Variants in ATRX observed in about 807,000 individuals in gnomAD.
ATRX encodes chromatin remodeler ATRX.
ATRX carries 12 observed loss-of-function variants against 172.6 expected under a neutral mutation model. That is an observed-to-expected ratio of 0.07 (90% CI 0.04 to 0.11). ATRX has a LOEUF of 0.11. Ranked by LOEUF, ATRX falls within the 10% of genes least tolerant of loss-of-function variation. ATRX has a pLI of 1.00. For synonymous variants in ATRX, 674 were observed against 594.7 expected (o/e 1.13, Z -1.94); for missense variants, 1,368 against 1,767.4 (o/e 0.77, Z 4.05).
In ATRX at chrX:77,663,415, G is replaced by A. The variant is rs2148487520; in HGVS notation, c.4087C>T (p.His1363Tyr). ...GEEKKTKPKE[H>Y]KEVKGRNRRK... ...CTGTTTCTGCCTTTGACTTCTTTAT[G>A]CTCTTTAGGCTTTGTCTTTTTTTCT... Residue 1363 changes from histidine to tyrosine, a missense_variant, in exon 12 of 35, where the codon CAT (histidine) becomes TAT (tyrosine). This residue lies in a region of ATRX where 119 missense variants were observed against 131.3 expected (regional missense o/e 0.91). Coordinates refer to ENST00000373344, the MANE Select transcript of ATRX (RefSeq NM_000489.6). 8.3e-7 allele frequency: 1 copy of A among 1,211,144 alleles called. No individual in the cohort carries two copies. The highest frequency in any genetic ancestry group is 1.1e-6 in the Non-Finnish European group (1 of 895,257).
chrX:77,559,673 T>C (rs1360042392), intron 28 of ATRX, among the ~76,000 whole-genome samples: 1 of 108,978 alleles, frequency 9.2e-6, no homozygotes, highest in Non-Finnish European at 1.9e-5. Flanking sequence ...GCCAGGCTGG[T>C]CTTGAACTCC....
chrX:77,682,949 A>G lies in ATRX; in HGVS notation c.2307T>C (p.Thr769=). The G allele has an allele frequency of 2.5e-6, 3 of 1,210,221 alleles. No individual in the cohort carries two copies. In the South Asian group the frequency reaches 5.3e-5, roughly 21 times the overall value. Residue 769 remains threonine, a synonymous_variant, in exon 9 of 35, where the codon ACT becomes ACC. Coordinates refer to ENST00000373344, the MANE Select transcript of ATRX (RefSeq NM_000489.6). Reference sequence around the variant, plus strand: ...TTCCTTTATCATCTTTCCCCGCCTGAGTCTTTAAATCATACAAAGTCTTAT... The same window carrying G: ...TTCCTTTATCATCTTTCCCCGCCTGGGTCTTTAAATCATACAAAGTCTTAT... ...TNHKTLYDLK[T]QAGKDDKGKR...
chrX:77,586,829 C>T lies in ATRX; in HGVS notation c.6217+3005G>A, dbSNP rs782057080. On this transcript the variant is annotated intron_variant, in intron 27 of 34. Transcript: ENST00000373344. ...ATCCCAGTGCTTTAAGAGGCCAAGGCGGGTGGATCACTTGAGGCCAGGAGT... is the reference window on the plus strand; with the variant it reads ...ATCCCAGTGCTTTAAGAGGCCAAGGTGGGTGGATCACTTGAGGCCAGGAGT... Among the ~76,000 whole-genome samples, 10 of 111,394 alleles carry T rather than the reference C, an allele frequency of 9.0e-5. No individual in the cohort carries two copies. In the South Asian group the frequency reaches 1.5e-3, roughly 17 times the overall value.
chrX:77,550,504 A>G (rs1011207004), intron 30 of ATRX, among the ~76,000 whole-genome samples: 4 of 111,702 alleles, frequency 3.6e-5, no homozygotes, highest in Non-Finnish European at 7.5e-5. Flanking sequence ...CCCACAGCCA[A>G]TATCATACTG....
At chrX:77,760,682 T>A (rs1200498775) in intron 1 of ATRX, among the ~76,000 whole-genome samples, 2 of 111,933 alleles carry the variant, frequency 1.8e-5, no homozygotes, top group African/African-American at 6.5e-5. Flanking sequence ...AACATGTTTA[T>A]GTAGAAAACA....
intron 1 of ATRX, among the ~76,000 whole-genome samples, chrX:77,734,085 TA>T (rs2074424206): frequency 9.1e-6 from 1 of 110,289 alleles, no homozygotes; most frequent in Non-Finnish European, 1.9e-5. Flanking sequence ...CATGCACCTG[TA>T]ATCCCAGCTC....
chrX:77,747,123 G>T (rs1269120105), intron 1 of ATRX, among the ~76,000 whole-genome samples: 1 of 111,665 alleles, frequency 9.0e-6, no homozygotes, highest in Non-Finnish European at 1.9e-5. Flanking sequence ...TACAGCATCT[G>T]TGTAGCATTA....
chrX:77,580,483 T>C (rs1177483281), intron 27 of ATRX, among the ~76,000 whole-genome samples: 2 of 112,010 alleles, frequency 1.8e-5, no homozygotes, highest in Non-Finnish European at 3.8e-5. Context: ...GTGGAAATCT[T>C]TCAGGCCAGG....
intron 30 of ATRX, among the ~76,000 whole-genome samples, chrX:77,555,680 T>G (rs2064749940): frequency 1.8e-5 from 2 of 108,728 alleles, no homozygotes; most frequent in Admixed American, 2.0e-4. Context: ...ATGGGGAGGG[T>G]TACATCACCC....
intron 1 of ATRX, among the ~76,000 whole-genome samples, chrX:77,743,946 T>C (rs572167079): frequency 4.5e-4 from 50 of 112,094 alleles, no homozygotes; most frequent in African/African-American, 1.6e-3. Context: ...CCAGCGCAAC[T>C]TCAGCCTCCA....
intron 2 of ATRX, among the ~76,000 whole-genome samples, chrX:77,703,401 C>T (rs1439153427): frequency 3.5e-5 from 4 of 112,867 alleles, no homozygotes; most frequent in African/African-American, 1.3e-4. Context: ...CAGCAGGGCA[C>T]GCAGCTCCAG....
At chrX:77,734,232 CAT>C (rs2074435169) in intron 1 of ATRX, among the ~76,000 whole-genome samples, 1 of 105,531 alleles carries the variant, frequency 9.5e-6, no homozygotes, top group Non-Finnish European at 1.9e-5. Context: ...TACATACATA[CAT>C]ACATACATAC....
chrX:77,575,910 T>C (rs782597775), intron 27 of ATRX, among the ~76,000 whole-genome samples: 9 of 111,604 alleles, frequency 8.1e-5, no homozygotes, highest in Non-Finnish European at 1.3e-4. Flanking sequence ...CATGACAAAT[T>C]ACACCTGCCT....
At chrX:77,727,305 T>C (rs782588108) in intron 1 of ATRX, among the ~76,000 whole-genome samples, 44 of 111,642 alleles carry the variant, frequency 3.9e-4, no homozygotes, top group African/African-American at 1.4e-3. Context: ...AGAAATACCA[T>C]TTGACCCAGC....
At chrX:77,616,013 G>GACAC (rs782794196) in intron 22 of ATRX, 3 of 747,842 alleles carry the variant, frequency 4.0e-6, no homozygotes, top group Non-Finnish European at 4.7e-6. Flanking sequence ...GAGAGACACA[G>GACAC]ACACACACAC....
chrX:77,750,272 T>G (rs1457527282), intron 1 of ATRX, among the ~76,000 whole-genome samples: 1 of 111,508 alleles, frequency 9.0e-6, no homozygotes, highest in Non-Finnish European at 1.9e-5. Flanking sequence ...TATCCACAGT[T>G]TCAGGCATCC....
intron 15 of ATRX, among the ~76,000 whole-genome samples, chrX:77,646,541 T>A (rs1023373828): frequency 9.0e-6 from 1 of 110,869 alleles, no homozygotes; most frequent in African/African-American, 3.3e-5. Context: ...AGAGAAACAG[T>A]TGGAGACATA....
Position 77,676,247 on chromosome X carries a change from T to G in ATRX, c.3788A>C (p.Asp1263Ala), listed in dbSNP as rs1557133352. 8.4e-7 allele frequency: 1 copy of G among 1,197,265 alleles called. No homozygotes were observed. The highest frequency in any genetic ancestry group is 2.3e-4 in the Middle Eastern group (1 of 4,290). ...ATACCTATTCTCAGGATCATTGTCGTCATCATCATCATCCACTGTGACAGG... is the reference window on the plus strand; with the variant it reads ...ATACCTATTCTCAGGATCATTGTCGGCATCATCATCATCCACTGTGACAGG... ...SVPVTVDDDD[D>A]DNDPENRIAK... Residue 1263 changes from aspartate to alanine, a missense_variant, in exon 10 of 35, where the codon GAC (aspartate) becomes GCC (alanine). Physicochemically the swap from Asp to Ala is moderately radical, Grantham distance 126. Around this residue, in one of 17 missense-constraint regions of ATRX, gnomAD observed 9 missense variants for 25.2 expected, o/e 0.36. Coordinates refer to ENST00000373344, the MANE Select transcript of ATRX (RefSeq NM_000489.6).
At position 77,508,575 on chromosome X, in the gene ATRX, T is replaced by C; in HGVS notation, c.7255A>G (p.Asn2419Asp). ...LMNRRLQQQY[N>D]QQQQQQMTYQ... is the part of the protein sequence containing the mutation. ...GTCATTTGTTGCTGTTGCTGCTGAT[T>C]GTACTGCTGCTGGAGCCTTCTGTTC... The change falls in exon 35 of 35, where the codon AAT becomes GAT. Residue 2419 changes from asparagine (N) to aspartate (D), a missense_variant. Physicochemically the swap from Asn to Asp is conservative, Grantham distance 23. Transcript: ENST00000373344. 8.3e-7 allele frequency: 1 copy of C among 1,211,995 alleles called. No homozygotes were observed. Among genetic ancestry groups the C allele is most frequent in the African/African-American group, 1.7e-5 (1 of 57,845 alleles).
Sources: gnomAD v4.1 joint callset for allele counts (sites outside exome capture counted in the v4.1 genomes callset) on GRCh38, gnomAD v4.1.1 for gene constraint, gnomAD v4.1.1 regional missense constraint, MANE v1.5 for transcripts, NCBI Gene and HGNC (gene_info 2026-07-23, HGNC 2026-07-21) for gene names.